MKLN1: variants seen among roughly 807,000 people sequenced by gnomAD.
The protein encoded by MKLN1 is muskelin.
A neutral mutation model predicts 99.0 loss-of-function variants in MKLN1; 18 were observed. The observed-to-expected ratio is 0.18, with a 90% CI of 0.13 to 0.27. The LOEUF (loss-of-function observed/expected upper bound fraction) is 0.27, where lower values mean the gene tolerates loss of function less well. Ranked by LOEUF, MKLN1 falls within the 10% of genes least tolerant of loss-of-function variation. The probability of loss-of-function intolerance (pLI) is 1.00; values close to 1 mark genes in which losing one functional copy is unlikely to be tolerated. For synonymous variants in MKLN1, 288 were observed against 293.2 expected, an observed-to-expected ratio of 0.98 and a Z score of 0.18; for missense variants, 621 against 875.9, an observed-to-expected ratio of 0.71 and a Z score of 3.67.
At chr7:131,454,379 A>G (rs1323054967) in intron 12 of MKLN1, among the ~76,000 whole-genome samples, 2 of 152,216 alleles carry the variant, frequency 1.3e-5, no homozygotes, top group African/African-American at 4.8e-5. Flanking sequence ...TTGAGTGTCA[A>G]AAGCTAGTTG....
At chr7:131,449,950 C>G (rs1453770070) in intron 12 of MKLN1, among the ~76,000 whole-genome samples, 1 of 152,086 alleles carries the variant, frequency 6.6e-6, no homozygotes, top group Non-Finnish European at 1.5e-5. Flanking sequence ...ATGGGTTAAC[C>G]CTCTAGTTTC....
intron 4 of MKLN1, among the ~76,000 whole-genome samples, chr7:131,391,007 A>G (rs1261701031): frequency 2.0e-5 from 3 of 152,098 alleles, no homozygotes; most frequent in Non-Finnish European, 4.4e-5. Context: ...CTCTTAAAAT[A>G]TGTTAATACC....
intron 8 of MKLN1, among the ~76,000 whole-genome samples, chr7:131,417,131 C>CT (rs1329624652): frequency 8.5e-5 from 13 of 152,050 alleles, no homozygotes; most frequent in African/African-American, 2.9e-4. Context: ...AGAGTAATCT[C>CT]TTTTTGATAG....
In MKLN1 at chr7:131,491,957, A is replaced by G. The variant is rs1431202722; in HGVS notation, c.*4229A>G. 1 of 152,480 alleles carries G rather than the reference A, an allele frequency of 6.6e-6. No homozygotes were observed. Among genetic ancestry groups the G allele is most frequent in the African/African-American group, 2.4e-5 (1 of 41,432 alleles). The allele number at this position is 152,480 out of a possible 1,614,324, so 9.4% of individuals were successfully genotyped here. On this transcript the variant is annotated 3_prime_UTR_variant, in exon 18 of 18. Coordinates refer to ENST00000352689, the MANE Select transcript of MKLN1 (RefSeq NM_013255.5). ...AAAATCATTCTGGGGCAAATGCTCT[A>G]TTATCCTTATTTATGACAAGAGAAT...
intron 6 of MKLN1, among the ~76,000 whole-genome samples, chr7:131,409,526 G>A (rs916173439): frequency 1.3e-5 from 2 of 152,102 alleles, no homozygotes; most frequent in Non-Finnish European, 2.9e-5. Context: ...GTAGGATGGA[G>A]GTTTCCAGTT....
rs150172449 is a variant in MKLN1, at chr7:131,389,463, A to G, written c.400+491A>G. Among the ~76,000 whole-genome samples, 9 of 151,756 alleles carry G rather than the reference A, an allele frequency of 5.9e-5. No homozygotes were observed. In the East Asian group the frequency reaches 1.7e-3, roughly 29 times the overall value. ...TTGTGTTCTTTTATTTTATTTATTT[A>G]TTTTTTTTAGTTAAATGCTGGTCAA... is the stretch of plus-strand genomic sequence containing the variant. On this transcript the variant is annotated intron_variant, in intron 4 of 17. Transcript: ENST00000352689.
At chr7:131,245,341 C>A (rs923435185) in intron 3 of MKLN1, among the ~76,000 whole-genome samples, 1 of 147,966 alleles carries the variant, frequency 6.8e-6, no homozygotes, top group Non-Finnish European at 1.5e-5. Flanking sequence ...GATCTCGGCT[C>A]ACTGCAACCT....
chr7:131,192,452 T>C (rs1389609948), intron 2 of MKLN1, among the ~76,000 whole-genome samples: 1 of 134,842 alleles, frequency 7.4e-6, no homozygotes, highest in Non-Finnish European at 1.5e-5. Context: ...ATACAATATA[T>C]AAATATATAA....
rs140778159 is a variant in MKLN1 at position 131,277,312 on chromosome 7, T to C, written c.-179+74338T>C. Among the ~76,000 whole-genome samples the C allele has an allele frequency of 5.0e-3, 753 of 152,058 alleles. 6 individuals are homozygous for C. The highest frequency in any genetic ancestry group is 0.017 in the African/African-American group (717 of 41,490). Reference sequence around the variant, plus strand: ...ATTTTTTTTTTTTTGAGTTGGAGTTTTGCTCTTGTTGCCCAGGCTGGAGTT... The same window carrying C: ...ATTTTTTTTTTTTTGAGTTGGAGTTCTGCTCTTGTTGCCCAGGCTGGAGTT... On this transcript the variant is annotated intron_variant, in intron 3 of 7. Coordinates refer to the MKLN1 transcript ENST00000416992.
intron 4 of MKLN1, among the ~76,000 whole-genome samples, chr7:131,389,646 A>G (rs1006598844): frequency 5.3e-5 from 8 of 152,062 alleles, no homozygotes; most frequent in Non-Finnish European, 7.4e-5. Flanking sequence ...TTTGTTTCCT[A>G]TAGGATTTAT....
chr7:131,397,944 A>G (rs1384895556), intron 5 of MKLN1, among the ~76,000 whole-genome samples: 1 of 152,162 alleles, frequency 6.6e-6, no homozygotes, highest in Non-Finnish European at 1.5e-5. Flanking sequence ...AGAGGCCAAG[A>G]GTAAGTTAAT....
At chr7:131,291,472 A>T (rs1169342520) in intron 3 of MKLN1, among the ~76,000 whole-genome samples, 1 of 151,746 alleles carries the variant, frequency 6.6e-6, no homozygotes, top group East Asian at 1.9e-4. Context: ...CTCATTTGTG[A>T]TATGTAGTAA....
intron 2 of MKLN1, among the ~76,000 whole-genome samples, chr7:131,378,728 G>A (rs566130827): frequency 1.1e-4 from 16 of 152,192 alleles, no homozygotes; most frequent in African/African-American, 3.1e-4. Flanking sequence ...TACTCAGGAG[G>A]CTGAGTTGGG....
chr7:131,436,361 C>T (rs1795676186), intron 9 of MKLN1, among the ~76,000 whole-genome samples: 1 of 152,156 alleles, frequency 6.6e-6, no homozygotes, highest in Non-Finnish European at 1.5e-5. Flanking sequence ...GTCAGTCATT[C>T]ATCAGGCTTT....
Position 131,274,434 on chromosome 7 carries a change from G to A in MKLN1, c.-179+71460G>A, listed in dbSNP as rs1797930655. On this transcript the variant is annotated intron_variant, in intron 3 of 7. Transcript: ENST00000416992. ...GAGGCGGGCAGGTGATCTGAGCCCA[G>A]GAGTTTGAGACCAGCTTGGGCAACA... Among the ~76,000 whole-genome samples the A allele has an allele frequency of 2.0e-5, 3 of 151,926 alleles. No homozygotes were observed. In the South Asian group the frequency reaches 6.2e-4, roughly 32 times the overall value.
At chr7:131,402,479 C>T (rs1794577914) in intron 6 of MKLN1, among the ~76,000 whole-genome samples, 1 of 152,162 alleles carries the variant, frequency 6.6e-6, no homozygotes, top group Non-Finnish European at 1.5e-5. Context: ...TTGATCTCTT[C>T]CCATGAATCA....
At chr7:131,262,793 A>C (rs184776625) in intron 3 of MKLN1, among the ~76,000 whole-genome samples, 1 of 151,774 alleles carries the variant, frequency 6.6e-6, no homozygotes, top group Non-Finnish European at 1.5e-5. Flanking sequence ...TGATCCGCCC[A>C]CCTCGGCCTC....
At chr7:131,346,710 C>T (rs371409163) in intron 1 of MKLN1, among the ~76,000 whole-genome samples, 3 of 152,104 alleles carry the variant, frequency 2.0e-5, no homozygotes, top group African/African-American at 2.4e-5. Flanking sequence ...TTTGCACTTT[C>T]GAATTACTTG....
chr7:131,213,044 T>G (rs1796930571), intron 3 of MKLN1, among the ~76,000 whole-genome samples: 1 of 152,108 alleles, frequency 6.6e-6, no homozygotes, highest in Admixed American at 6.6e-5. Context: ...GCCAATCACA[T>G]TCATTTCTCT....
Sources: gnomAD v4.1 joint callset for allele counts (sites outside exome capture counted in the v4.1 genomes callset) on GRCh38, gnomAD v4.1.1 for gene constraint, MANE v1.5 for transcripts, NCBI Gene and HGNC (gene_info 2026-07-23, HGNC 2026-07-21) for gene names.